Variants in FERMT1 observed in about 807,000 individuals in gnomAD.
FERMT1 encodes fermitin family homolog 1.
Under a neutral mutation model 85.3 loss-of-function variants are expected in FERMT1, and 60 were observed. The ratio of observed to expected loss-of-function variants is 0.70; its 90% CI spans 0.57 to 0.87. The LOEUF (loss-of-function observed/expected upper bound fraction) is 0.87, where lower values mean the gene tolerates loss of function less well. Among genes scored for constraint, FERMT1 ranks in the 40% least tolerant of loss-of-function variants. The probability of loss-of-function intolerance (pLI) is 0.00; values close to 1 mark genes in which losing one functional copy is unlikely to be tolerated. For missense variants in FERMT1, 701 were observed against 818.9 expected, an observed-to-expected ratio of 0.86 and a Z score of 1.76; for synonymous variants, 275 against 301.1, an observed-to-expected ratio of 0.91 and a Z score of 0.90.
intron 14 of FERMT1, 131 bp downstream of exon 14, chr20:6,079,305 G>A: frequency 3.0e-6 from 3 of 995,544 alleles, no homozygotes; most frequent in Non-Finnish European, 4.8e-6. Context: ...TTAGCAGACA[G>A]ACAGTTACCA....
chr20:6,077,870 G>A (rs1981874864), intron 14 of FERMT1, among the ~76,000 whole-genome samples: 1 of 151,882 alleles, frequency 6.6e-6, no homozygotes, highest in South Asian at 2.1e-4. Context: ...CAGTAGAGAC[G>A]GGGGTTTCAC....
At chr20:6,116,210 C>G (rs1454619526) in intron 2 of FERMT1, among the ~76,000 whole-genome samples, 166 bp from the exon 3 acceptor site, 1 of 151,986 alleles carries the variant, frequency 6.6e-6, no homozygotes, top group Non-Finnish European at 1.5e-5. Context: ...TGGCTTCTTT[C>G]CAAAGTCTCC....
chr20:6,089,144 G>A lies in FERMT1; in HGVS notation c.1140-55C>T, dbSNP rs1041499074. 67 of 1,574,090 alleles carry A rather than the reference G, an allele frequency of 4.3e-5. 2 individuals carry two copies. Among genetic ancestry groups the A allele is most frequent in the Non-Finnish European group, 4.1e-5 (47 of 1,149,146 alleles). On this transcript the variant is annotated intron_variant, in intron 9 of 14. Transcript: ENST00000217289. ...ACCACCACCCAGAAATGTGGAACAC[G>A]CTGCAGATTTCAAGCAGATCAGATC...
intron 1 of FERMT1, among the ~76,000 whole-genome samples, chr20:6,122,316 C>G (rs1983298664): frequency 1.3e-5 from 2 of 152,136 alleles, no homozygotes; most frequent in African/African-American, 4.8e-5. Flanking sequence ...CTAAGGAGAC[C>G]AAAACAAGAA....
intron 14 of FERMT1, among the ~76,000 whole-genome samples, chr20:6,078,633 G>GTTTT (rs11480502): frequency 3.0e-5 from 4 of 134,690 alleles, no homozygotes; most frequent in African/African-American, 1.1e-4. Flanking sequence ...CTAGTTCAGC[G>GTTTT]TTTTTTTTTT....
At chr20:6,085,792 T>C (rs1027163868) in intron 11 of FERMT1, among the ~76,000 whole-genome samples, 2 of 150,526 alleles carry the variant, frequency 1.3e-5, no homozygotes, top group Admixed American at 6.6e-5. Context: ...CAGGTTGCAG[T>C]GAGCCAAGAT....
At position 6,107,746 on chromosome 20, in the gene FERMT1, G is replaced by T. The variant is rs540868338; in HGVS notation, c.747-112C>A. 5 of 629,384 alleles carry T rather than the reference G, an allele frequency of 7.9e-6. No individual in the cohort carries two copies. In the East Asian group the frequency reaches 9.7e-5, roughly 12 times the overall value. 39.0% of individuals were successfully genotyped at this position (629,384 alleles called of 1,614,324 possible). ...TATATATATCCTTGAACAAAATCAG[G>T]GTATGTAATACAGATTGAGTATCAC... On this transcript the variant is annotated intron_variant, in intron 5 of 14. Transcript: ENST00000217289.
intron 6 of FERMT1, among the ~76,000 whole-genome samples, chr20:6,099,530 A>T (rs111650344): frequency 6.6e-6 from 1 of 152,204 alleles, no homozygotes; most frequent in Non-Finnish European, 1.5e-5. Context: ...ACTTATATAA[A>T]CTATCTAGAA....
chr20:6,086,326 T>C (rs898090414), intron 11 of FERMT1, among the ~76,000 whole-genome samples: 17 of 152,322 alleles, frequency 1.1e-4, no homozygotes, highest in African/African-American at 4.1e-4. Flanking sequence ...TCCTGGTCTA[T>C]CCTTGGTAAA....
rs1248902628 is a variant in FERMT1, at chr20:6,075,740, G to GGT, written c.*1431_*1432dup. The GGT allele has an allele frequency of 3.9e-5, 6 of 152,278 alleles. No homozygotes were observed. The highest frequency in any genetic ancestry group is 1.4e-4 in the African/African-American group (6 of 41,414). 9.4% of individuals were successfully genotyped at this position (152,278 alleles called of 1,614,324 possible). A position where few individuals can be genotyped will look rare whatever the true frequency, so the allele number is the denominator to read the frequency against. On this transcript the variant is annotated 3_prime_UTR_variant, in exon 15 of 15. Coordinates refer to ENST00000217289, the MANE Select transcript of FERMT1 (RefSeq NM_017671.5). ...GGAACTCTGGCCAGGCTCCCTGAGG[G>GGT]GTGCATCCTAGGAGAACTGAAAAAT...
intron 1 of FERMT1, among the ~76,000 whole-genome samples, chr20:6,121,412 G>A (rs1027403623): frequency 2.0e-5 from 3 of 151,638 alleles, no homozygotes; most frequent in African/African-American, 7.2e-5. Flanking sequence ...GGGCCACCAC[G>A]CCCAGCCGTT....
chr20:6,085,080 GTC>G lies in FERMT1; in HGVS notation c.1577_1578del (p.Arg526ThrfsTer38), dbSNP rs1568654627. ...ATTAACAGTACCTGTTTGGATTTGT[GTC>G]TTTTTGCACACCGTGGTGACACAAA... ...ECFVSPRCAKRHKSKQLAARI... is the reference protein window; with the variant it reads ...ECFVSPRCAKXHKSKQLAARI... On this transcript the variant is annotated frameshift_variant, in exon 12 of 15. Coordinates refer to ENST00000217289, the MANE Select transcript of FERMT1 (RefSeq NM_017671.5). LOFTEE classifies it high-confidence loss of function. The G allele has an allele frequency of 8.1e-6, 13 of 1,613,822 alleles. No individual in the cohort carries two copies. The highest frequency in any genetic ancestry group is 1.1e-5 in the Non-Finnish European group (13 of 1,179,754).
chr20:6,106,390 A>T (rs1982797413), intron 6 of FERMT1, among the ~76,000 whole-genome samples: 1 of 152,162 alleles, frequency 6.6e-6, no homozygotes, highest in Non-Finnish European at 1.5e-5. Flanking sequence ...AGTGCCTCTT[A>T]CAAGAGGTGG....
chr20:6,083,658 C>CG (rs1568653878), intron 13 of FERMT1, among the ~76,000 whole-genome samples: 1 of 125,448 alleles, frequency 8.0e-6, no homozygotes, highest in African/African-American at 3.1e-5. Flanking sequence ...ATGAGACACC[C>CG]CCCCCCCCGG....
At chr20:6,077,971 C>T (rs530581212) in intron 14 of FERMT1, among the ~76,000 whole-genome samples, 2 of 151,042 alleles carry the variant, frequency 1.3e-5, no homozygotes, top group African/African-American at 4.9e-5. Flanking sequence ...TGAGCCACTG[C>T]ACCCGGCCTG....
At position 6,122,956 on chromosome 20, in the gene FERMT1, A is replaced by C. The variant is rs1199522890; in HGVS notation, c.-201T>G. 1 of 152,238 alleles carries C rather than the reference A, an allele frequency of 6.6e-6. No homozygotes were observed. Among genetic ancestry groups the C allele is most frequent in the Non-Finnish European group, 1.5e-5 (1 of 68,082 alleles). The allele number at this position is 152,238 out of a possible 1,614,324, so 9.4% of individuals were successfully genotyped here. ...GGTGAGGGCTGGAGCCAGGGCGAGC[A>C]GGCGAAGCTGCCTCGGGACCTCCCA... On this transcript the variant is annotated 5_prime_UTR_variant, in exon 1 of 15. Transcript: ENST00000217289.
chr20:6,097,742 A>G, intron 6 of FERMT1, 111 bp from the exon 7 acceptor site: 1 of 780,786 alleles, frequency 1.3e-6, no homozygotes. Context: ...AGCAAACTTC[A>G]GCTCAGGTAA....
At chr20:6,120,854 T>C (rs574487062) in intron 1 of FERMT1, among the ~76,000 whole-genome samples, 29 of 152,208 alleles carry the variant, frequency 1.9e-4, no homozygotes, top group Non-Finnish European at 3.5e-4. Flanking sequence ...TCTGTGGGTA[T>C]ACTCAGTTCT....
At chr20:6,107,437 A>G in intron 6 of FERMT1, 95 bp downstream of exon 6, 1 of 725,172 alleles carries the variant, frequency 1.4e-6, no homozygotes, top group South Asian at 1.5e-5. Context: ...TCACACAAAT[A>G]AATTCATCCT....
Sources: gnomAD v4.1 joint callset for allele counts (sites outside exome capture counted in the v4.1 genomes callset) on GRCh38, gnomAD v4.1.1 for gene constraint, MANE v1.5 for transcripts, NCBI Gene and HGNC (gene_info 2026-07-23, HGNC 2026-07-21) for gene names.